The following RELN variants were observed in gnomAD, a reference collection of about 807,000 sequenced individuals.
RELN encodes reelin.
Under a neutral mutation model 427.6 loss-of-function variants are expected in RELN, and 108 were observed. The ratio of observed to expected loss-of-function variants is 0.25; its 90% CI spans 0.22 to 0.30. RELN has a LOEUF of 0.30. Ranked by LOEUF, RELN falls within the 10% of genes least tolerant of loss-of-function variation. The probability of loss-of-function intolerance (pLI) is 1.00; values close to 1 mark genes in which losing one functional copy is unlikely to be tolerated. For missense variants in RELN, 3,715 were observed against 4,302.8 expected (o/e 0.86, Z 3.82); for synonymous variants, 1,524 against 1,513.4 (o/e 1.01, Z -0.16).
chr7:103,942,295 A>C (rs1374964518), intron 1 of RELN, among the ~76,000 whole-genome samples: 2 of 151,578 alleles, frequency 1.3e-5, no homozygotes, highest in Non-Finnish European at 2.9e-5. Flanking sequence ...AACATCTTCC[A>C]CCCTCCCCGA....
chr7:103,943,848 CAAAA>C (rs10631941), intron 1 of RELN, among the ~76,000 whole-genome samples: 1 of 76,438 alleles, frequency 1.3e-5, no homozygotes, highest in Non-Finnish European at 2.2e-5. Context: ...ATTCTGTCTC[CAAAA>C]AAAAAAAAAA....
rs111931178 is a variant in RELN, at chr7:103,988,658, A to T, written c.226+473T>A. The stretch of plus-strand genomic sequence containing the variant: ...ACTTTGCGGTCGAGCGGCGCGGGGC[A>T]GCCACAGACCTGGGCGCTTCAATCT... On this transcript the variant is annotated intron_variant, in intron 1 of 64. Coordinates refer to ENST00000428762, the MANE Select transcript of RELN (RefSeq NM_005045.4). This position sits in a 1 kb window ranked among gnomAD's most constrained non-coding sequence, Gnocchi z 4.9. Among the ~76,000 whole-genome samples, 2 of 152,182 alleles carry T rather than the reference A, an allele frequency of 1.3e-5. No individual in the cohort carries two copies. The highest frequency in any genetic ancestry group is 4.1e-4 in the South Asian group (2 of 4,822).
chr7:103,498,356 C>G, intron 53 of RELN, 104 bp from the exon 54 acceptor site: 1 of 1,034,738 alleles, frequency 9.7e-7, no homozygotes, highest in Non-Finnish European at 1.5e-6. Flanking sequence ...AAAAATAGAG[C>G]TGATTTCAAA....
chr7:103,723,071 C>G (rs1790117196), intron 8 of RELN, 69 bp downstream of exon 8: 3 of 956,164 alleles, frequency 3.1e-6, no homozygotes, highest in East Asian at 2.4e-5. Flanking sequence ...CATTATAATC[C>G]TGATTGCACA....
At chr7:103,938,615 A>G (rs1319732970) in intron 1 of RELN, among the ~76,000 whole-genome samples, 1 of 152,230 alleles carries the variant, frequency 6.6e-6, no homozygotes, top group African/African-American at 2.4e-5. Flanking sequence ...TTATCTAATT[A>G]TGTTGTGTTT....
At chr7:103,584,238 G>A (rs1269399334) in intron 28 of RELN, among the ~76,000 whole-genome samples, 1 of 152,174 alleles carries the variant, frequency 6.6e-6, no homozygotes, top group Non-Finnish European at 1.5e-5. Flanking sequence ...AACGTAATGG[G>A]CTAAATCCTC....
At chr7:103,536,610 C>A (rs564781843) in intron 45 of RELN, among the ~76,000 whole-genome samples, 1 of 152,342 alleles carries the variant, frequency 6.6e-6, no homozygotes, top group East Asian at 1.9e-4. Flanking sequence ...TGGTCTCAGT[C>A]TTCATTGTGC....
intron 41 of RELN, among the ~76,000 whole-genome samples, chr7:103,550,610 TAAC>T (rs1275950887): frequency 2.0e-5 from 3 of 150,342 alleles, no homozygotes; most frequent in Admixed American, 6.6e-5. Flanking sequence ...GGCAACGTGC[TAAC>T]TTTTTTTTTT....
intron 4 of RELN, among the ~76,000 whole-genome samples, chr7:103,771,623 A>G (rs1791571588): frequency 6.6e-6 from 1 of 151,886 alleles, no homozygotes; most frequent in African/African-American, 2.4e-5. Context: ...CATTTTCTTT[A>G]TTTCTTCTCT....
chr7:103,864,366 A>G (rs1053516673), intron 2 of RELN, among the ~76,000 whole-genome samples: 4 of 152,160 alleles, frequency 2.6e-5, no homozygotes, highest in Admixed American at 1.3e-4. Flanking sequence ...GTTAACTGCA[A>G]GTTGTACAAT....
At chr7:103,542,640 T>C in intron 43 of RELN, 91 bp downstream of exon 43, 3 of 1,426,212 alleles carry the variant, frequency 2.1e-6, no homozygotes, top group Non-Finnish European at 9.9e-7. Context: ...GGCCTTGTCC[T>C]TGAAATCGCT....
At chr7:103,817,533 A>G in intron 3 of RELN, among the ~76,000 whole-genome samples, 1 of 152,232 alleles carries the variant, frequency 6.6e-6, no homozygotes, top group East Asian at 1.9e-4. Flanking sequence ...AATATTAATC[A>G]TGCTCACATT....
At chr7:103,661,299 C>T in intron 12 of RELN, 77 bp downstream of exon 12, 1 of 1,456,486 alleles carries the variant, frequency 6.9e-7, no homozygotes, top group East Asian at 2.3e-5. Flanking sequence ...TGACAACAAA[C>T]AATCTTACTT....
Position 103,498,171 on chromosome 7 carries a change from C to G in RELN, c.8749G>C (p.Glu2917Gln). 6.2e-7 allele frequency: 1 copy of G among 1,614,006 alleles called. No individual in the cohort carries two copies. Among genetic ancestry groups the G allele is most frequent in the Non-Finnish European group, 8.5e-7 (1 of 1,179,892 alleles). The change falls in exon 54 of 65, where the codon GAG becomes CAG. Residue 2917 changes from glutamate to glutamine, a missense_variant. Physicochemically the swap from Glu to Gln is conservative, Grantham distance 29 (BLOSUM62 2). Around this residue, in one of 4 missense-constraint regions of RELN, gnomAD observed 1,310 missense variants for 1,643.0 expected, o/e 0.80. Coordinates refer to ENST00000428762, the MANE Select transcript of RELN (RefSeq NM_005045.4). Reference sequence around the variant, plus strand: ...GTGTCCTCGGCAAGAATTCCACACTCAGTGCAAGTACTTCCACCTTCTAAG... The same window carrying G: ...GTGTCCTCGGCAAGAATTCCACACTGAGTGCAAGTACTTCCACCTTCTAAG... ...MSLEGGSTCT[E>Q]CGILAEDTAL...
rs1408319835 is a variant in RELN at position 103,954,354 on chromosome 7, C to T, written c.226+34777G>A. Among the ~76,000 whole-genome samples the T allele has an allele frequency of 3.9e-5, 6 of 152,260 alleles. No individual in the cohort carries two copies. In the East Asian group the frequency reaches 7.7e-4, roughly 20 times the overall value. ...TAAGTACAGTTGCCAAGTATGCTAT[C>T]GTGATAGGCACCTAACCAAACACTT... On this transcript the variant is annotated intron_variant, in intron 1 of 64. Coordinates refer to ENST00000428762, the MANE Select transcript of RELN (RefSeq NM_005045.4).
At chr7:103,910,346 T>A (rs1186651258) in intron 2 of RELN, among the ~76,000 whole-genome samples, 23 of 148,464 alleles carry the variant, frequency 1.5e-4, no homozygotes, top group Non-Finnish European at 3.0e-4. Context: ...TATACAATCA[T>A]GTCGCCTGCA....
At chr7:103,915,488 G>A (rs1795464659) in intron 2 of RELN, among the ~76,000 whole-genome samples, 1 of 151,990 alleles carries the variant, frequency 6.6e-6, no homozygotes, top group African/African-American at 2.4e-5. Flanking sequence ...ATGATCACAG[G>A]ATCCCACCAC....
chr7:103,903,180 T>A (rs1795119628), intron 2 of RELN, among the ~76,000 whole-genome samples: 1 of 151,914 alleles, frequency 6.6e-6, no homozygotes, highest in African/African-American at 2.4e-5. Flanking sequence ...CAATCCTGTC[T>A]CCTGTTAAAA....
chr7:103,974,290 GA>G (rs1050286958), intron 1 of RELN, among the ~76,000 whole-genome samples: 1 of 152,128 alleles, frequency 6.6e-6, no homozygotes, highest in African/African-American at 2.4e-5. Context: ...CAAGGAAACG[GA>G]GACATAGAGA....
Sources: allele counts gnomAD v4.1 joint callset (sites outside exome capture counted in the v4.1 genomes callset), GRCh38; gene constraint gnomAD v4.1.1; regional missense constraint gnomAD v4.1.1; non-coding constraint Gnocchi (gnomAD v3.1); transcripts MANE v1.5; gene names NCBI Gene and HGNC (gene_info 2026-07-23, HGNC 2026-07-21).